P3H2: variants seen among roughly 807,000 people sequenced by gnomAD.
P3H2 encodes leprecan-like 1.
In P3H2, 80 loss-of-function variants were observed where a neutral mutation model predicts 87.0. The ratio of observed to expected loss-of-function variants is 0.92; its 90% CI spans 0.77 to 1.11. The LOEUF (loss-of-function observed/expected upper bound fraction) is 1.11, where lower values mean the gene tolerates loss of function less well. Ranked by LOEUF, P3H2 falls within the 50% of genes least tolerant of loss-of-function variation. The pLI, the probability that P3H2 is intolerant of heterozygous loss-of-function variation, is 0.00. For missense variants in P3H2, 1,001 were observed against 923.9 expected, an observed-to-expected ratio of 1.08 and a Z score of -1.08; for synonymous variants, 367 against 359.3, an observed-to-expected ratio of 1.02 and a Z score of -0.24.
chr3:190,120,670 GGCGGCGGCAGTA>G lies in P3H2; in HGVS notation c.50_61del (p.Leu17_Pro20del). On this transcript the variant is annotated inframe_deletion, in exon 1 of 15. Transcript: ENST00000319332. Reference sequence around the variant, plus strand: ...GCTGTCCGGGGGGCCGCCCCACAGTGGCGGCGGCAGTAGCAGCGGCAGCAGCAGCAGCAGCGG... The same window carrying G: ...GCTGTCCGGGGGGCCGCCCCACAGTGGCAGCGGCAGCAGCAGCAGCAGCGG... The G allele has an allele frequency of 6.6e-7, 1 of 1,523,248 alleles. No individual in the cohort carries two copies. The highest frequency in any genetic ancestry group is 8.8e-7 in the Non-Finnish European group (1 of 1,142,130). The allele number at this position is 1,523,248 out of a possible 1,614,324, so 94.4% of individuals were successfully genotyped here. A position where few individuals can be genotyped will look rare whatever the true frequency, so the allele number is the denominator to read the frequency against.
chr3:190,116,914 C>T (rs919759669), intron 1 of P3H2, among the ~76,000 whole-genome samples: 2 of 151,952 alleles, frequency 1.3e-5, no homozygotes, highest in Non-Finnish European at 2.9e-5. Context: ...TGAAAAAATT[C>T]AACAGAGCAA....
chr3:190,120,448 G>T lies in P3H2; in HGVS notation c.284C>A (p.Pro95Gln), dbSNP rs1291155654. Residue 95 changes from proline (P) to glutamine (Q), a missense_variant, in exon 1 of 15, where the codon CCG becomes CAG. By Grantham distance (76) the Pro-to-Gln change is moderately conservative (BLOSUM62 -1). Transcript: ENST00000319332. ...GGGGCCCTCGCCGGGGGGCGGGGGCGGGAGCGGGTGGCGCGCCGCGCAGTG... is the reference window on the plus strand; with the variant it reads ...GGGGCCCTCGCCGGGGGGCGGGGGCTGGAGCGGGTGGCGCGCCGCGCAGTG... ...ARHCAARHPL[P>Q]PPPPGEGPGA... is the part of the protein sequence containing the mutation. 1 of 1,426,910 alleles carries T rather than the reference G, an allele frequency of 7.0e-7. No individual in the cohort carries two copies. The highest frequency in any genetic ancestry group is 9.1e-7 in the Non-Finnish European group (1 of 1,101,298). 88.4% of individuals were successfully genotyped at this position (1,426,910 alleles called of 1,614,324 possible).
intron 1 of P3H2, among the ~76,000 whole-genome samples, chr3:190,106,131 T>C (rs538706245): frequency 4.6e-5 from 7 of 152,180 alleles, no homozygotes; most frequent in African/African-American, 2.4e-5. Context: ...CAGAGAAGAT[T>C]TGGAATGTGT....
chr3:190,070,291 TTGG>T (rs1726657377), intron 1 of P3H2, among the ~76,000 whole-genome samples: 1 of 152,056 alleles, frequency 6.6e-6, no homozygotes, highest in South Asian at 2.1e-4. Flanking sequence ...ATTGGAGGAA[TTGG>T]TGGTAAGAGG....
chr3:189,993,546 G>A (rs560288866), intron 3 of P3H2, among the ~76,000 whole-genome samples: 9 of 152,016 alleles, frequency 5.9e-5, no homozygotes, highest in Admixed American at 2.0e-4. Flanking sequence ...TTTAAATGCC[G>A]CTTTGTAATA....
intron 1 of P3H2, among the ~76,000 whole-genome samples, chr3:190,035,367 T>C (rs1183165911): frequency 6.6e-6 from 1 of 152,188 alleles, no homozygotes; most frequent in East Asian, 1.9e-4. Flanking sequence ...ATACCCAACC[T>C]GCCTCAGTAT....
intron 1 of P3H2, among the ~76,000 whole-genome samples, chr3:190,106,991 T>G (rs1016534071): frequency 2.0e-5 from 3 of 152,216 alleles, no homozygotes; most frequent in Non-Finnish European, 4.4e-5. Context: ...AGAACATAAC[T>G]GTCTTCAAAA....
chr3:190,013,171 G>A (rs1487382451), intron 1 of P3H2, among the ~76,000 whole-genome samples: 1 of 152,196 alleles, frequency 6.6e-6, no homozygotes. Context: ...AATATAATAA[G>A]AGATTATAGC....
intron 1 of P3H2, among the ~76,000 whole-genome samples, chr3:189,996,132 C>A (rs1280460576): frequency 7.2e-5 from 11 of 152,124 alleles, no homozygotes; most frequent in Non-Finnish European, 5.9e-5. Context: ...GAAATGAAGT[C>A]AGTATGTTGA....
intron 1 of P3H2, among the ~76,000 whole-genome samples, chr3:190,007,965 C>CACACACATATATAT: frequency 1.3e-4 from 12 of 94,352 alleles, no homozygotes; most frequent in African/African-American, 3.1e-4. Context: ...TGTTGACACA[C>CACACACATATATAT]ATATATATAT....
chr3:190,120,341 G>C lies in P3H2; in HGVS notation c.391C>G (p.Pro131Ala), dbSNP rs777087919. 7.6e-6 allele frequency: 12 copies of C among 1,587,524 alleles called. No individual in the cohort carries two copies. The highest frequency in any genetic ancestry group is 3.4e-5 in the South Asian group (3 of 87,690). ...RSCETQRLGG[P>A]ASRHRVSEDV... The stretch of plus-strand genomic sequence containing the variant: ...TCGCTGACGCGGTGGCGGGATGCGG[G>C]GCCCCCGAGGCGCTGGGTCTCACAG... The change falls in exon 1 of 15, where the codon CCC (proline) becomes GCC (alanine). Residue 131 changes from proline to alanine, a missense_variant. By Grantham distance (27) the Pro-to-Ala change is conservative. Transcript: ENST00000319332.
rs1435702666 is a variant in P3H2, at chr3:189,956,828, CG to C, written c.*1083del. The C allele has an allele frequency of 1.7e-5, 5 of 300,504 alleles. No individual in the cohort carries two copies. The East Asian group carries it at 2.7e-4, about 16-fold the overall frequency. 18.6% of individuals were successfully genotyped at this position (300,504 alleles called of 1,614,324 possible). On this transcript the variant is annotated 3_prime_UTR_variant, in exon 15 of 15. Transcript: ENST00000319332. Reference sequence around the variant, plus strand: ...GGGCCCCCAAAATATAAGCAGATGACGGTTAAAATCAATCAGAAATTTATTT... The same window carrying C: ...GGGCCCCCAAAATATAAGCAGATGACGTTAAAATCAATCAGAAATTTATTT...
intron 1 of P3H2, among the ~76,000 whole-genome samples, chr3:190,089,245 G>C (rs952142632): frequency 6.6e-6 from 1 of 152,192 alleles, no homozygotes; most frequent in African/African-American, 2.4e-5. Flanking sequence ...GGGAGGGATA[G>C]CATTAGGAGA....
At chr3:190,099,717 T>A (rs1711552689) in intron 1 of P3H2, among the ~76,000 whole-genome samples, 1 of 152,212 alleles carries the variant, frequency 6.6e-6, no homozygotes, top group Admixed American at 6.5e-5. Flanking sequence ...AAAAAGATGG[T>A]ATTAACAATA....
At chr3:190,014,783 TC>T (rs1205151702) in intron 1 of P3H2, among the ~76,000 whole-genome samples, 1 of 152,018 alleles carries the variant, frequency 6.6e-6, no homozygotes, top group Admixed American at 6.6e-5. Context: ...TATGACTCTT[TC>T]CATACTCCCC....
At chr3:190,054,378 C>T (rs1726084778) in intron 1 of P3H2, among the ~76,000 whole-genome samples, 3 of 151,716 alleles carry the variant, frequency 2.0e-5, no homozygotes, top group Non-Finnish European at 2.9e-5. Context: ...TGAGAGCCGA[C>T]GTCAGTAGTG....
intron 1 of P3H2, among the ~76,000 whole-genome samples, chr3:190,109,939 C>T (rs1712007109): frequency 6.6e-6 from 1 of 150,792 alleles, no homozygotes; most frequent in African/African-American, 2.4e-5. Context: ...GCCTCTCCCT[C>T]CCAGGTTCAA....
chr3:189,961,500 A>AT (rs945584438), intron 14 of P3H2, among the ~76,000 whole-genome samples: 35 of 150,260 alleles, frequency 2.3e-4, no homozygotes, highest in Non-Finnish European at 3.3e-4. Flanking sequence ...ATAGGTAGGC[A>AT]TTTTTTTTTT....
chr3:190,120,039 G>A (rs891335660), intron 1 of P3H2, among the ~76,000 whole-genome samples: 1 of 152,218 alleles, frequency 6.6e-6, no homozygotes, highest in African/African-American at 2.4e-5. Flanking sequence ...AGAGAAGCTG[G>A]CTCTGAGAAA....
Sources: gnomAD v4.1 joint callset for allele counts (sites outside exome capture counted in the v4.1 genomes callset) on GRCh38, gnomAD v4.1.1 for gene constraint, MANE v1.5 for transcripts, NCBI Gene and HGNC (gene_info 2026-07-23, HGNC 2026-07-21) for gene names.